RORA: variants seen among roughly 807,000 people sequenced by gnomAD.
The protein encoded by RORA is nuclear receptor ROR-alpha.
RORA carries 7 observed loss-of-function variants against 69.5 expected under a neutral mutation model. The observed-to-expected ratio is 0.10, with a 90% CI of 0.06 to 0.19. The LOEUF (loss-of-function observed/expected upper bound fraction) is 0.19. Among genes scored for constraint, RORA ranks in the 10% least tolerant of loss-of-function variants. The pLI is 1.00. For synonymous variants in RORA, 261 were observed against 240.8 expected, an observed-to-expected ratio of 1.08 and a Z score of -0.78; for missense variants, 457 against 663.0, an observed-to-expected ratio of 0.69 and a Z score of 3.41.
intron 1 of RORA, among the ~76,000 whole-genome samples, chr15:60,850,572 C>T (rs540444814): frequency 7.6e-4 from 116 of 152,202 alleles, no homozygotes; most frequent in Non-Finnish European, 1.5e-3. Context: ...GACACCCTCT[C>T]CTGTGCCTGG....
At chr15:60,917,178 T>C (rs1225572263) in intron 1 of RORA, among the ~76,000 whole-genome samples, 1 of 152,204 alleles carries the variant, frequency 6.6e-6, no homozygotes, top group African/African-American at 2.4e-5. Flanking sequence ...ACAGATGTAA[T>C]TTAGGAAAAT....
chr15:60,639,219 ATTTTTTT>A (rs71122868), intron 2 of RORA, among the ~76,000 whole-genome samples: 37 of 131,318 alleles, frequency 2.8e-4, no homozygotes, highest in Admixed American at 4.0e-4. Flanking sequence ...AGGTTTTTGT[ATTTTTTT>A]TTTTTTTTTT....
intron 1 of RORA, among the ~76,000 whole-genome samples, chr15:60,695,318 C>T (rs2070886235): frequency 6.6e-6 from 1 of 152,152 alleles, no homozygotes; most frequent in South Asian, 2.1e-4. Flanking sequence ...TAACTTAGCC[C>T]AACCCTTAGC....
At chr15:60,606,403 C>T (rs1351118022) in intron 2 of RORA, among the ~76,000 whole-genome samples, 1 of 152,184 alleles carries the variant, frequency 6.6e-6, no homozygotes, top group Non-Finnish European at 1.5e-5. Flanking sequence ...TTTTCAGCTC[C>T]TTTACAAATT....
chr15:61,149,792 C>T (rs1331758642), intron 1 of RORA, among the ~76,000 whole-genome samples: 1 of 152,206 alleles, frequency 6.6e-6, no homozygotes, highest in African/African-American at 2.4e-5. Flanking sequence ...AAAGCATCAA[C>T]TTGGAAGGCC....
At chr15:60,900,959 T>C (rs1209002289) in intron 1 of RORA, among the ~76,000 whole-genome samples, 3 of 152,186 alleles carry the variant, frequency 2.0e-5, no homozygotes, top group African/African-American at 7.2e-5. Flanking sequence ...ATGTAAAGTA[T>C]CTGCCCCTGA....
chr15:60,923,176 G>T (rs1381506303), intron 1 of RORA, among the ~76,000 whole-genome samples: 1 of 152,084 alleles, frequency 6.6e-6, no homozygotes, highest in Non-Finnish European at 1.5e-5. Flanking sequence ...AACAAAGGCC[G>T]GATCACATGC....
chr15:60,742,194 A>T lies in RORA; in HGVS notation c.167-63508T>A, dbSNP rs539669190. Among the ~76,000 whole-genome samples, 37 of 152,344 alleles carry T rather than the reference A, an allele frequency of 2.4e-4. No homozygotes were observed. The South Asian group carries it at 7.5e-3, about 31-fold the overall frequency. ...AGTTTCTTGGTGTCTCCTCACTGTC[A>T]TCCACATTGAATGCTGTTATTCTTT... On this transcript the variant is annotated intron_variant, in intron 1 of 10. Transcript: ENST00000335670.
chr15:60,900,001 CT>C (rs1309781903), intron 1 of RORA, among the ~76,000 whole-genome samples: 1 of 152,156 alleles, frequency 6.6e-6, no homozygotes, highest in East Asian at 1.9e-4. Flanking sequence ...TTAGTTGTTC[CT>C]AAAAAGAACA....
chr15:60,876,973 G>T (rs2073624090), intron 1 of RORA, among the ~76,000 whole-genome samples: 1 of 152,168 alleles, frequency 6.6e-6, no homozygotes, highest in Non-Finnish European at 1.5e-5. Flanking sequence ...GGTGGGAAGA[G>T]GGAGAGGATC....
At chr15:61,170,205 T>C (rs2079573526) in intron 1 of RORA, among the ~76,000 whole-genome samples, 1 of 152,204 alleles carries the variant, frequency 6.6e-6, no homozygotes, top group East Asian at 1.9e-4. Flanking sequence ...ATCTACTAAC[T>C]GTTCTGAAAG....
chr15:60,788,876 T>C (rs1027592187), intron 1 of RORA, among the ~76,000 whole-genome samples: 3 of 152,214 alleles, frequency 2.0e-5, no homozygotes, highest in Non-Finnish European at 2.9e-5. Flanking sequence ...GTATCTGCAG[T>C]CAGATAAAAT....
At chr15:60,755,727 G>A (rs9920577) in intron 1 of RORA, among the ~76,000 whole-genome samples, 31,053 of 151,986 alleles carry the variant, frequency 0.2, 3,705 homozygotes, top group African/African-American at 0.34. Flanking sequence ...ATGGTTGTGG[G>A]ATACATGATT....
In RORA at chr15:60,905,328, G is replaced by A. The variant is rs1207966594; in HGVS notation, c.167-226642C>T. Among the ~76,000 whole-genome samples the A allele has an allele frequency of 6.6e-6, 1 of 152,156 alleles. No homozygotes were observed. Among genetic ancestry groups the A allele is most frequent in the Non-Finnish European group, 1.5e-5 (1 of 68,036 alleles). Reference sequence around the variant, plus strand: ...TTCCTTAATTTGCATCGTTATATGAGTGCAAAGCATGATGATAAAATATGC... The same window carrying A: ...TTCCTTAATTTGCATCGTTATATGAATGCAAAGCATGATGATAAAATATGC... On this transcript the variant is annotated intron_variant, in intron 1 of 10. Transcript: ENST00000335670. This position sits in a 1 kb window ranked among gnomAD's most constrained non-coding sequence, Gnocchi z 4.8.
chr15:60,734,969 C>A (rs1231461969), intron 1 of RORA, among the ~76,000 whole-genome samples: 1 of 152,176 alleles, frequency 6.6e-6, no homozygotes. Context: ...ATGGGCAGCA[C>A]AGTTGGGTAT....
intron 1 of RORA, among the ~76,000 whole-genome samples, chr15:61,215,519 C>G (rs1359073149): frequency 2.0e-5 from 3 of 152,216 alleles, no homozygotes; most frequent in Admixed American, 6.5e-5. Flanking sequence ...CCATCATTGA[C>G]TTGACTTGTC....
chr15:60,906,925 A>G (rs1891559785), intron 1 of RORA, among the ~76,000 whole-genome samples: 1 of 152,200 alleles, frequency 6.6e-6, no homozygotes, highest in African/African-American at 2.4e-5. Context: ...CCTCATAACA[A>G]CTTTATGAGT....
intron 2 of RORA, among the ~76,000 whole-genome samples, chr15:60,596,022 C>T (rs569700547): frequency 2.2e-4 from 33 of 152,298 alleles, no homozygotes; most frequent in African/African-American, 7.0e-4. Flanking sequence ...GGAGTCTAGA[C>T]GGTAGTATCA....
rs528429606 is a variant in RORA at position 61,154,473 on chromosome 15, G to A, written c.166+74580C>T. ...GCACTCCATTACCAACTGAGCTTCC[G>A]GGCAAGAGATCCTTGGAAAAATCTC... On this transcript the variant is annotated intron_variant, in intron 1 of 10. Transcript: ENST00000335670. Among the ~76,000 whole-genome samples, 21 of 152,128 alleles carry A rather than the reference G, an allele frequency of 1.4e-4. No homozygotes were observed. The South Asian group carries it at 2.3e-3, about 17-fold the overall frequency.
Sources: allele counts gnomAD v4.1 joint callset (sites outside exome capture counted in the v4.1 genomes callset), GRCh38; gene constraint gnomAD v4.1.1; non-coding constraint Gnocchi (gnomAD v3.1); transcripts MANE v1.5; gene names NCBI Gene and HGNC (gene_info 2026-07-23, HGNC 2026-07-21).